NTM: variants seen among roughly 807,000 people sequenced by gnomAD.
NTM encodes the protein IgLON family member 2.
Under a neutral mutation model 42.1 loss-of-function variants are expected in NTM, and 13 were observed. That is an observed-to-expected ratio of 0.31 (90% CI 0.20 to 0.49). The LOEUF (loss-of-function observed/expected upper bound fraction) is 0.49, where lower values mean the gene tolerates loss of function less well. Among genes scored for constraint, NTM ranks in the 20% least tolerant of loss-of-function variants. NTM has a pLI of 0.99. For missense variants in NTM, 373 were observed against 452.8 expected, an observed-to-expected ratio of 0.82 and a Z score of 1.60; for synonymous variants, 187 against 179.2, an observed-to-expected ratio of 1.04 and a Z score of -0.35.
intron 2 of NTM, among the ~76,000 whole-genome samples, chr11:131,929,495 T>C (rs951091762): frequency 1.4e-5 from 2 of 144,762 alleles, no homozygotes; most frequent in Admixed American, 1.4e-4. Flanking sequence ...ATTGCCCTTA[T>C]AAAAACTTTC....
At chr11:131,755,057 G>T (rs1056156783) in intron 1 of NTM, among the ~76,000 whole-genome samples, 5 of 152,182 alleles carry the variant, frequency 3.3e-5, no homozygotes, top group Non-Finnish European at 5.9e-5. Flanking sequence ...GGGTATTGAT[G>T]GCAGGAAGCA....
chr11:132,261,380 G>C (rs1323669442), intron 4 of NTM, among the ~76,000 whole-genome samples: 1 of 152,200 alleles, frequency 6.6e-6, no homozygotes, highest in African/African-American at 2.4e-5. Flanking sequence ...TGGAATGCCA[G>C]TTATGAGTGC....
chr11:132,075,991 T>C (rs1177258296), intron 2 of NTM, among the ~76,000 whole-genome samples: 1 of 152,210 alleles, frequency 6.6e-6, no homozygotes, highest in African/African-American at 2.4e-5. Context: ...TAGCATACTT[T>C]CATCATTTAT....
chr11:131,437,682 T>A (rs142997888), intron 1 of NTM, among the ~76,000 whole-genome samples: 1 of 152,324 alleles, frequency 6.6e-6, no homozygotes, highest in Admixed American at 6.5e-5. Flanking sequence ...TGTATGTCTC[T>A]GCATGTGAGA....
At chr11:131,760,512 G>A (rs972476895) in intron 1 of NTM, among the ~76,000 whole-genome samples, 3 of 152,152 alleles carry the variant, frequency 2.0e-5, no homozygotes, top group Non-Finnish European at 4.4e-5. Flanking sequence ...TATCTTCACG[G>A]ATTTATGGAG....
intron 1 of NTM, among the ~76,000 whole-genome samples, chr11:131,589,282 A>G (rs56306617): frequency 0.014 from 2,071 of 152,096 alleles, 24 homozygotes; most frequent in Non-Finnish European, 0.022. Context: ...CATTAATAAT[A>G]CACATGAATT....
At chr11:131,639,393 A>G (rs1024555136) in intron 1 of NTM, among the ~76,000 whole-genome samples, 1 of 152,200 alleles carries the variant, frequency 6.6e-6, no homozygotes, top group Non-Finnish European at 1.5e-5. Flanking sequence ...CTCAGATAAG[A>G]ATTTGATAGT....
intron 1 of NTM, among the ~76,000 whole-genome samples, chr11:131,450,143 G>A (rs1189576906): frequency 6.6e-6 from 1 of 152,128 alleles, no homozygotes; most frequent in African/African-American, 2.4e-5. Flanking sequence ...ACTTTGTCCT[G>A]CAAAATAACT....
Position 131,546,258 on chromosome 11 carries a change from T to G in NTM, c.82+175370T>G, listed in dbSNP as rs193292639. ...TGAGTATAAGCTTTCTGTATGCATC[T>G]GTAACAAACTAAACCCGGTTCTTCT... On this transcript the variant is annotated intron_variant, in intron 1 of 8. Coordinates refer to ENST00000683400, the MANE Select transcript of NTM (RefSeq NM_001352005.2). 1.5e-3 allele frequency among the ~76,000 whole-genome samples: 224 copies of G among 152,276 alleles called. 1 individual carries two copies. Among genetic ancestry groups the G allele is most frequent in the African/African-American group, 5.2e-3 (215 of 41,546 alleles).
At chr11:132,045,441 C>T (rs905277952) in intron 2 of NTM, among the ~76,000 whole-genome samples, 1 of 152,268 alleles carries the variant, frequency 6.6e-6, no homozygotes, top group Admixed American at 6.5e-5. Flanking sequence ...ATTGATTATT[C>T]TACATGTAGA....
intron 2 of NTM, among the ~76,000 whole-genome samples, chr11:132,107,662 G>A (rs1295314877): frequency 6.6e-6 from 1 of 152,044 alleles, no homozygotes; most frequent in Non-Finnish European, 1.5e-5. Flanking sequence ...GAGCCACTGT[G>A]CCTGACTTTT....
chr11:132,213,310 C>T (rs956747229), intron 4 of NTM, among the ~76,000 whole-genome samples: 1 of 152,118 alleles, frequency 6.6e-6, no homozygotes, highest in Non-Finnish European at 1.5e-5. Context: ...TAGGACATCT[C>T]GGCTGAGCCT....
At chr11:132,250,384 T>C (rs2091799115) in intron 4 of NTM, among the ~76,000 whole-genome samples, 1 of 152,186 alleles carries the variant, frequency 6.6e-6, no homozygotes, top group South Asian at 2.1e-4. Context: ...TTTCTTCAGA[T>C]TTGTTAGTAT....
intron 3 of NTM, among the ~76,000 whole-genome samples, chr11:132,174,921 A>G (rs957625257): frequency 6.6e-6 from 1 of 151,868 alleles, no homozygotes; most frequent in Non-Finnish European, 1.5e-5. Context: ...TCATAATCAC[A>G]TGCTCTTCTC....
chr11:131,778,548 C>T (rs1178099573), intron 1 of NTM, among the ~76,000 whole-genome samples: 5 of 152,184 alleles, frequency 3.3e-5, no homozygotes, highest in Non-Finnish European at 1.5e-5. Flanking sequence ...TAGTAGTCAT[C>T]AGGAATTCTG....
intron 1 of NTM, among the ~76,000 whole-genome samples, chr11:131,484,590 G>A (rs929747049): frequency 6.6e-5 from 10 of 152,136 alleles, no homozygotes; most frequent in Non-Finnish European, 1.5e-4. Flanking sequence ...TCATCAGATG[G>A]CCATCCACAG....
intron 1 of NTM, among the ~76,000 whole-genome samples, chr11:131,511,938 C>T (rs746885631): frequency 6.6e-6 from 1 of 152,116 alleles, no homozygotes; most frequent in Non-Finnish European, 1.5e-5. Flanking sequence ...GTGCAGGGCC[C>T]GGCCCCTATT....
At chr11:131,409,980 G>GGCCTCTAGCTGAACAGGAAGAGGGC (rs1369748180) in intron 1 of NTM, among the ~76,000 whole-genome samples, 3 of 152,122 alleles carry the variant, frequency 2.0e-5, no homozygotes, top group Non-Finnish European at 2.9e-5. Flanking sequence ...TAGAGGAGGG[G>GGCCTCTAGCTGAACAGGAAGAGGGC]GCCTCTAGCT....
intron 1 of NTM, among the ~76,000 whole-genome samples, chr11:131,389,012 CAAA>C (rs71475749): frequency 1.0e-5 from 1 of 98,332 alleles, no homozygotes; most frequent in Admixed American, 1.1e-4. Flanking sequence ...GACTTCATCA[CAAA>C]AAAAAAAAAA....
Sources: allele counts gnomAD v4.1 joint callset (sites outside exome capture counted in the v4.1 genomes callset), GRCh38; gene constraint gnomAD v4.1.1; transcripts MANE v1.5; gene names NCBI Gene and HGNC (gene_info 2026-07-23, HGNC 2026-07-21).